Variants in MCU observed in about 807,000 individuals in gnomAD.
MCU encodes calcium uniporter protein, mitochondrial.
A neutral mutation model predicts 45.2 loss-of-function variants in MCU; 12 were observed. That is an observed-to-expected ratio of 0.27 (90% confidence interval 0.17 to 0.43). The LOEUF is 0.43. Among genes scored for constraint, MCU ranks in the 20% least tolerant of loss-of-function variants. The probability of loss-of-function intolerance (pLI) is 1.00; values close to 1 mark genes in which losing one functional copy is unlikely to be tolerated. For missense variants in MCU, 324 were observed against 436.7 expected (o/e 0.74, Z 2.30); for synonymous variants, 160 against 165.1 (o/e 0.97, Z 0.24).
At chr10:72,733,338 T>C (rs1187276723) in intron 1 of MCU, among the ~76,000 whole-genome samples, 1 of 152,122 alleles carries the variant, frequency 6.6e-6, no homozygotes, top group African/African-American at 2.4e-5. Flanking sequence ...GTGCCTGTAA[T>C]CCCAGTTACT....
chr10:72,743,357 G>A (rs951079912), intron 1 of MCU, among the ~76,000 whole-genome samples: 2 of 140,790 alleles, frequency 1.4e-5, no homozygotes, highest in African/African-American at 5.3e-5. Flanking sequence ...AGGCTGCAGT[G>A]AGCCGATATT....
rs1481568535 is a variant in MCU, at chr10:72,868,743, A to G, written c.537A>G (p.Val179=). ...SHENAATLND[V]KTLVQQLYTT... ...AAAATGCAGCAACGCTGAATGATGT[A>G]AAGACATTGGTCCAGCAACTATACA... The change falls in exon 5 of 8, where the codon GTA becomes GTG. Residue 179 remains valine, a synonymous_variant. Transcript: ENST00000373053. 3 of 1,613,980 alleles carry G rather than the reference A, an allele frequency of 1.9e-6. No individual in the cohort carries two copies. Among genetic ancestry groups the G allele is most frequent in the Non-Finnish European group, 2.5e-6 (3 of 1,180,016 alleles).
chr10:72,762,721 T>TAGATTTTCTGC (rs1843672391), intron 1 of MCU, among the ~76,000 whole-genome samples: 1 of 152,188 alleles, frequency 6.6e-6, no homozygotes, highest in Admixed American at 6.5e-5. Flanking sequence ...TTAAGTAAGA[T>TAGATTTTCTGC]AGATTTTCTG....
chr10:72,806,074 A>G (rs935196503), intron 1 of MCU, among the ~76,000 whole-genome samples: 8 of 151,786 alleles, frequency 5.3e-5, no homozygotes, highest in African/African-American at 1.7e-4. Flanking sequence ...CAAAAAGCCA[A>G]TGTGGTGAAG....
At chr10:72,757,472 A>G (rs1255750610) in intron 1 of MCU, among the ~76,000 whole-genome samples, 2 of 152,160 alleles carry the variant, frequency 1.3e-5, no homozygotes, top group African/African-American at 4.8e-5. Flanking sequence ...AAAAATTGCT[A>G]GTTTTTGAAT....
intron 4 of MCU, chr10:72,861,639 G>A (rs1400378086): frequency 2.7e-6 from 1 of 372,902 alleles, no homozygotes; most frequent in African/African-American, 2.2e-5. Context: ...GAGCCACTAT[G>A]CCCAGCCGCC....
intron 1 of MCU, among the ~76,000 whole-genome samples, chr10:72,811,973 C>G (rs748896916): frequency 2.6e-5 from 4 of 151,962 alleles, no homozygotes; most frequent in Non-Finnish European, 5.9e-5. Context: ...ATTCAGCCAA[C>G]CCTGTGTTCC....
At chr10:72,770,606 A>G (rs983128307) in intron 1 of MCU, among the ~76,000 whole-genome samples, 1 of 152,090 alleles carries the variant, frequency 6.6e-6, no homozygotes, top group Non-Finnish European at 1.5e-5. Flanking sequence ...ATGGAGAGCA[A>G]GGATTTTTTA....
intron 1 of MCU, among the ~76,000 whole-genome samples, chr10:72,718,777 C>G (rs1258214792): frequency 6.6e-6 from 1 of 152,152 alleles, no homozygotes; most frequent in Non-Finnish European, 1.5e-5. Flanking sequence ...TGTGACATAA[C>G]CACATAATGA....
At chr10:72,860,859 A>G (rs1845365519) in intron 4 of MCU, among the ~76,000 whole-genome samples, 1 of 152,180 alleles carries the variant, frequency 6.6e-6, no homozygotes, top group Non-Finnish European at 1.5e-5. Context: ...ATAACATTGC[A>G]GGGGATATCT....
chr10:72,871,602 CTT>C lies in MCU; in HGVS notation c.861+26_861+27del, dbSNP rs764267014. The stretch of plus-strand genomic sequence containing the variant: ...CCAGGTAAGAATTCTCTTCAAGTAA[CTT>C]TTTATGAGATAGTAATAAAGTTTTG... On this transcript the variant is annotated intron_variant, in intron 6 of 7. Transcript: ENST00000373053. 5.7e-6 allele frequency: 9 copies of C among 1,587,086 alleles called. No homozygotes were observed. The South Asian group carries it at 8.8e-5, about 16-fold the overall frequency.
chr10:72,784,719 G>GC (rs1385029107), intron 1 of MCU, among the ~76,000 whole-genome samples: 2 of 152,180 alleles, frequency 1.3e-5, no homozygotes, highest in African/African-American at 4.8e-5. Flanking sequence ...CCGTATGTGT[G>GC]CGTGGGTGTG....
rs140513611 is a variant in MCU, at chr10:72,734,806, A to T, written c.150+42505A>T. 4.5e-3 allele frequency among the ~76,000 whole-genome samples: 681 copies of T among 151,682 alleles called. 5 individuals are homozygous for T. Among genetic ancestry groups the T allele is most frequent in the African/African-American group, 0.016 (648 of 41,336 alleles). On this transcript the variant is annotated intron_variant, in intron 1 of 7. Transcript: ENST00000373053. Reference sequence around the variant, plus strand: ...TAAAAAAATTTTTTTTTTTGTGGAGACAGGTCTCACTATGTTGCCCAGGCT... The same window carrying T: ...TAAAAAAATTTTTTTTTTTGTGGAGTCAGGTCTCACTATGTTGCCCAGGCT...
intron 1 of MCU, among the ~76,000 whole-genome samples, chr10:72,778,901 T>G (rs1336867333): frequency 6.6e-6 from 1 of 151,922 alleles, no homozygotes; most frequent in East Asian, 1.9e-4. Context: ...AAAGCAACAG[T>G]AATGAAAACA....
chr10:72,772,347 T>C (rs1405150979), intron 1 of MCU, among the ~76,000 whole-genome samples: 2 of 152,198 alleles, frequency 1.3e-5, no homozygotes, highest in Non-Finnish European at 2.9e-5. Context: ...TTCCTAGAGC[T>C]GAAAAGGAGG....
intron 1 of MCU, among the ~76,000 whole-genome samples, chr10:72,721,528 C>T (rs1171184221): frequency 6.6e-6 from 1 of 152,196 alleles, no homozygotes; most frequent in Non-Finnish European, 1.5e-5. Context: ...CCTTGCTATT[C>T]CTCAAACATG....
At chr10:72,713,417 T>C (rs1444240017) in intron 1 of MCU, among the ~76,000 whole-genome samples, 3 of 152,098 alleles carry the variant, frequency 2.0e-5, no homozygotes, top group Non-Finnish European at 4.4e-5. Context: ...GTAGCTGGGA[T>C]TACAGGTGCC....
chr10:72,753,700 T>C (rs191646494), intron 1 of MCU, among the ~76,000 whole-genome samples: 61 of 151,874 alleles, frequency 4.0e-4, no homozygotes, highest in African/African-American at 1.4e-3. Flanking sequence ...CATGGCAAAA[T>C]CCTGTCTCTA....
chr10:72,700,038 A>G (rs1487151633), intron 1 of MCU, among the ~76,000 whole-genome samples: 1 of 151,588 alleles, frequency 6.6e-6, no homozygotes, highest in Admixed American at 6.6e-5. Flanking sequence ...GAGTGGTTCT[A>G]AAAAGTGGAT....
Sources: gnomAD v4.1 joint callset for allele counts (sites outside exome capture counted in the v4.1 genomes callset) on GRCh38, gnomAD v4.1.1 for gene constraint, MANE v1.5 for transcripts, NCBI Gene and HGNC (gene_info 2026-07-23, HGNC 2026-07-21) for gene names.